SNTG1: variants seen among roughly 807,000 people sequenced by gnomAD.
The protein encoded by SNTG1 is gamma-1-syntrophin.
SNTG1 carries 39 observed loss-of-function variants against 74.7 expected under a neutral mutation model. The ratio of observed to expected loss-of-function variants is 0.52; its 90% confidence interval spans 0.40 to 0.68. The LOEUF (loss-of-function observed/expected upper bound fraction) is 0.68, where lower values mean the gene tolerates loss of function less well. Among genes scored for constraint, SNTG1 ranks in the 30% least tolerant of loss-of-function variants. The pLI is 0.00. For synonymous variants in SNTG1, 254 were observed against 217.1 expected, an observed-to-expected ratio of 1.17 and a Z score of -1.49; for missense variants, 685 against 609.5, an observed-to-expected ratio of 1.12 and a Z score of -1.30.
chr8:50,167,186 T>C (rs1464110820), intron 1 of SNTG1, among the ~76,000 whole-genome samples: 1 of 146,360 alleles, frequency 6.8e-6, no homozygotes, highest in Non-Finnish European at 1.5e-5. Context: ...GACACGTTAG[T>C]GGGTGCAGCA....
intron 2 of SNTG1, among the ~76,000 whole-genome samples, chr8:50,306,570 A>T (rs1465122100): frequency 6.6e-6 from 1 of 151,920 alleles, no homozygotes; most frequent in Non-Finnish European, 1.5e-5. Context: ...TTGCTTTTTG[A>T]CTTTTTCATA....
chr8:50,461,328 C>G (rs1370484102), intron 8 of SNTG1, among the ~76,000 whole-genome samples: 2 of 151,934 alleles, frequency 1.3e-5, no homozygotes, highest in African/African-American at 4.8e-5. Flanking sequence ...ACCTTGATTA[C>G]CTGTCTGAGA....
At chr8:50,229,945 C>T (rs2085531519) in intron 2 of SNTG1, among the ~76,000 whole-genome samples, 1 of 151,492 alleles carries the variant, frequency 6.6e-6, no homozygotes, top group Non-Finnish European at 1.5e-5. Context: ...GGACATCCTC[C>T]AATATTTGAC....
At chr8:50,365,932 G>C (rs2092096508) in intron 2 of SNTG1, among the ~76,000 whole-genome samples, 1 of 152,154 alleles carries the variant, frequency 6.6e-6, no homozygotes, top group South Asian at 2.1e-4. Flanking sequence ...ATTCTGGGCA[G>C]CTGACATAAA....
At position 50,660,868 on chromosome 8, in the gene SNTG1, A is replaced by T. The variant is rs2131292787; in HGVS notation, c.1038+2205A>T. Among the ~76,000 whole-genome samples, 2 of 152,300 alleles carry T rather than the reference A, an allele frequency of 1.3e-5. 1 individual carries two copies. Among genetic ancestry groups the T allele is most frequent in the South Asian group, 4.1e-4 (2 of 4,832 alleles). On this transcript the variant is annotated intron_variant, in intron 15 of 18. Coordinates refer to ENST00000642720, the MANE Select transcript of SNTG1 (RefSeq NM_018967.5). ...ATTTTTGACAAAGATTATGCAATTC[A>T]TGATCTGCTATTTTGTGTAAAAATA...
intron 8 of SNTG1, among the ~76,000 whole-genome samples, chr8:50,499,609 A>T (rs2093933688): frequency 6.6e-6 from 1 of 151,550 alleles, no homozygotes; most frequent in Non-Finnish European, 1.5e-5. Context: ...TTTTTTCTAA[A>T]CTTAGGTCGT....
intron 5 of SNTG1, among the ~76,000 whole-genome samples, chr8:50,444,965 C>T (rs574781675): frequency 6.6e-6 from 1 of 151,996 alleles, no homozygotes; most frequent in African/African-American, 2.4e-5. Flanking sequence ...TTAGTATATC[C>T]GCAGATCTTT....
intron 1 of SNTG1, among the ~76,000 whole-genome samples, chr8:50,079,408 T>A (rs1822192916): frequency 7.0e-6 from 1 of 142,680 alleles, no homozygotes; most frequent in African/African-American, 2.6e-5. Flanking sequence ...ATGGGGTTGT[T>A]TGTTTTTTTT....
chr8:50,097,168 C>T (rs1461750182), intron 1 of SNTG1, among the ~76,000 whole-genome samples: 2 of 151,968 alleles, frequency 1.3e-5, no homozygotes, highest in Non-Finnish European at 1.5e-5. Flanking sequence ...GACGCAGTTT[C>T]GTCGTGTTGG....
At chr8:50,155,658 GA>G (rs1316955073) in intron 1 of SNTG1, among the ~76,000 whole-genome samples, 3 of 151,916 alleles carry the variant, frequency 2.0e-5, no homozygotes, top group African/African-American at 7.2e-5. Context: ...ACATTTGTAA[GA>G]TGAAGCTTAG....
chr8:50,390,628 G>A (rs760681476), intron 2 of SNTG1, among the ~76,000 whole-genome samples: 3 of 152,146 alleles, frequency 2.0e-5, no homozygotes, highest in Non-Finnish European at 4.4e-5. Context: ...TAGCTTGATA[G>A]GGATGGCATT....
intron 8 of SNTG1, among the ~76,000 whole-genome samples, chr8:50,482,979 T>C (rs1331116140): frequency 6.6e-6 from 1 of 152,208 alleles, no homozygotes; most frequent in East Asian, 1.9e-4. Flanking sequence ...GAATGCCCTT[T>C]GGGACTCTCT....
intron 15 of SNTG1, among the ~76,000 whole-genome samples, chr8:50,661,444 G>A (rs1380047875): frequency 6.6e-6 from 1 of 152,146 alleles, no homozygotes; most frequent in African/African-American, 2.4e-5. Context: ...GTCTATGAGA[G>A]TGCCTGTATA....
chr8:50,103,033 G>A (rs1429118141), intron 1 of SNTG1, among the ~76,000 whole-genome samples: 1 of 151,784 alleles, frequency 6.6e-6, no homozygotes, highest in Non-Finnish European at 1.5e-5. Flanking sequence ...GGATTGACTT[G>A]GCGATGCGGG....
chr8:50,562,916 T>C (rs760472135), intron 12 of SNTG1, among the ~76,000 whole-genome samples: 5 of 152,170 alleles, frequency 3.3e-5, no homozygotes, highest in Non-Finnish European at 7.3e-5. Context: ...AGAGAAACAA[T>C]GATCAGAATC....
intron 1 of SNTG1, among the ~76,000 whole-genome samples, chr8:49,984,938 G>T (rs997966984): frequency 1.3e-5 from 2 of 151,866 alleles, no homozygotes; most frequent in Admixed American, 6.6e-5. Context: ...GTTGGAGTAT[G>T]TTTTTTTTAC....
chr8:50,072,397 T>G (rs910344093), intron 1 of SNTG1, among the ~76,000 whole-genome samples: 5 of 152,188 alleles, frequency 3.3e-5, no homozygotes, highest in African/African-American at 9.7e-5. Context: ...TGAATATGAG[T>G]TATTCTTTAG....
intron 2 of SNTG1, among the ~76,000 whole-genome samples, chr8:50,381,615 T>C (rs1454714096): frequency 7.2e-6 from 1 of 138,862 alleles, no homozygotes; most frequent in Non-Finnish European, 1.5e-5. Context: ...TATCTCCTAT[T>C]AGTTATATAT....
intron 13 of SNTG1, among the ~76,000 whole-genome samples, chr8:50,619,510 T>A (rs1257019292): frequency 6.6e-6 from 1 of 152,022 alleles, no homozygotes; most frequent in African/African-American, 2.4e-5. Flanking sequence ...GGCGGGCAGA[T>A]CACGAGGTCA....
Sources: gnomAD v4.1 joint callset for allele counts (sites outside exome capture counted in the v4.1 genomes callset) on GRCh38, gnomAD v4.1.1 for gene constraint, MANE v1.5 for transcripts, NCBI Gene and HGNC (gene_info 2026-07-23, HGNC 2026-07-21) for gene names.